TPO: variants seen among roughly 807,000 people sequenced by gnomAD.
TPO encodes the protein thyroid peroxidase, also known as thyroid microsomal antigen.
In TPO, 78 loss-of-function variants were observed where a neutral mutation model predicts 96.9. That is an observed-to-expected ratio of 0.81 (90% CI 0.67 to 0.97). The LOEUF is 0.97. Ranked by LOEUF, TPO falls within the 50% of genes least tolerant of loss-of-function variation. The probability of loss-of-function intolerance (pLI) is 0.00; values close to 1 mark genes in which losing one functional copy is unlikely to be tolerated. For synonymous variants in TPO, 547 were observed against 538.0 expected (o/e 1.02, Z -0.23); for missense variants, 1,252 against 1,274.8 (o/e 0.98, Z 0.27).
At chr2:1,494,093 C>T (rs1460185990) in intron 11 of TPO, 54 bp downstream of exon 11, 32 of 1,574,634 alleles carry the variant, frequency 2.0e-5, no homozygotes, top group Non-Finnish European at 2.5e-5. Context: ...GGCAGGTGGT[C>T]TGCGTTGGTT....
chr2:1,390,985 G>A (rs893191667), intron 1 of TPO, among the ~76,000 whole-genome samples: 2 of 152,156 alleles, frequency 1.3e-5, no homozygotes, highest in Non-Finnish European at 2.9e-5. Flanking sequence ...TAGGTTGCCT[G>A]TTCACTCTGA....
At chr2:1,525,891 A>ATACTGTGTGCAACCTCCTCAACTCCCCG (rs1676343318) in intron 15 of TPO, among the ~76,000 whole-genome samples, 1 of 86,728 alleles carries the variant, frequency 1.2e-5, no homozygotes, top group Non-Finnish European at 2.2e-5. Context: ...TCAAATCCCA[A>ATACTGTGTGCAACCTCCTCAACTCCCCG]TACTGTGTGC....
At chr2:1,398,127 C>T (rs1324468873) in intron 1 of TPO, among the ~76,000 whole-genome samples, 1 of 152,208 alleles carries the variant, frequency 6.6e-6, no homozygotes. Flanking sequence ...TCATTCCTCC[C>T]TCACTCAGGG....
chr2:1,378,560 G>A (rs954249885), intron 1 of TPO, among the ~76,000 whole-genome samples: 1 of 152,264 alleles, frequency 6.6e-6, no homozygotes, highest in Non-Finnish European at 1.5e-5. Flanking sequence ...TCAGGTGTCT[G>A]AGAAAGCGTC....
intron 14 of TPO, among the ~76,000 whole-genome samples, chr2:1,506,949 A>C (rs1460063036): frequency 6.6e-6 from 1 of 152,002 alleles, no homozygotes; most frequent in Non-Finnish European, 1.5e-5. Context: ...TTAGACATGA[A>C]GTCCTTGCCC....
At chr2:1,442,491 A>G (rs555234853) in intron 5 of TPO, among the ~76,000 whole-genome samples, 2 of 152,350 alleles carry the variant, frequency 1.3e-5, no homozygotes, top group South Asian at 4.1e-4. Context: ...TATATACTGT[A>G]AGACAGTATT....
chr2:1,406,032 T>C (rs1662245168), intron 1 of TPO, among the ~76,000 whole-genome samples: 1 of 152,258 alleles, frequency 6.6e-6, no homozygotes, highest in African/African-American at 2.4e-5. Context: ...AGTTTTGTTT[T>C]GTTGTTTCCC....
chr2:1,526,687 A>AT (rs1676584757), intron 15 of TPO, among the ~76,000 whole-genome samples: 1 of 58,660 alleles, frequency 1.7e-5, no homozygotes, highest in Admixed American at 2.0e-4. Flanking sequence ...TCCTCCCCAA[A>AT]TCCCCCCCCC....
intron 7 of TPO, among the ~76,000 whole-genome samples, chr2:1,464,228 C>T (rs1290563473): frequency 1.3e-5 from 2 of 151,986 alleles, no homozygotes; most frequent in Non-Finnish European, 2.9e-5. Flanking sequence ...GCCATTAATT[C>T]ACTCCTTTTT....
chr2:1,536,655 G>A (rs1428155344), intron 15 of TPO, among the ~76,000 whole-genome samples: 1 of 15,968 alleles, frequency 6.3e-5, no homozygotes, highest in Non-Finnish European at 1.2e-4. Context: ...CCCCCCCACT[G>A]TGTGCAACCT....
intron 7 of TPO, among the ~76,000 whole-genome samples, chr2:1,475,432 TC>T (rs1669805271): frequency 6.6e-6 from 1 of 151,858 alleles, no homozygotes; most frequent in Admixed American, 6.6e-5. Flanking sequence ...TTTTCTTTTT[TC>T]TTTTTTTTGA....
At chr2:1,504,226 G>GGGC (rs1673179220) in intron 14 of TPO, 147 bp downstream of exon 14, 6 of 1,444,110 alleles carry the variant, frequency 4.2e-6, no homozygotes, top group Non-Finnish European at 4.7e-6. Context: ...GGTGCCCGAG[G>GGGC]GGCGTCTGCG....
intron 1 of TPO, among the ~76,000 whole-genome samples, chr2:1,397,325 T>C (rs1346620710): frequency 1.3e-5 from 2 of 152,144 alleles, no homozygotes; most frequent in African/African-American, 4.8e-5. Flanking sequence ...GAAGCACAAA[T>C]CTGAAACATA....
chr2:1,497,186 C>T (rs910410720), intron 13 of TPO, among the ~76,000 whole-genome samples: 46 of 152,302 alleles, frequency 3.0e-4, no homozygotes, highest in Admixed American at 3.9e-4. Context: ...CCTGGTCCTC[C>T]TCCAGCCACT....
rs151122101 is a variant in TPO, at chr2:1,487,981, C to T, written c.1758C>T (p.His586=). The part of the protein sequence containing the change: ...ASINLQRGRD[H]GLPGYNEWRE... The stretch of plus-strand genomic sequence containing the variant: ...TCAACCTGCAGAGGGGCCGGGACCA[C>T]GGGCTGCCAGGTCTGCCAGTTCCTT... The change falls in exon 10 of 17, where the codon CAC becomes CAT. Residue 586 remains histidine (H), a synonymous_variant. Transcript: ENST00000329066. 4.8e-4 allele frequency: 779 copies of T among 1,613,080 alleles called. 1 individual carries two copies. Among genetic ancestry groups the T allele is most frequent in the African/African-American group, 8.8e-4 (66 of 74,916 alleles).
intron 15 of TPO, among the ~76,000 whole-genome samples, chr2:1,525,485 C>A (rs1397176105): frequency 1.1e-5 from 1 of 94,438 alleles, no homozygotes; most frequent in Non-Finnish European, 2.1e-5. Flanking sequence ...CCACTGTGAG[C>A]AAACCCCCAA....
At chr2:1,452,922 A>G (rs1372209316) in intron 5 of TPO, among the ~76,000 whole-genome samples, 1 of 152,214 alleles carries the variant, frequency 6.6e-6, no homozygotes, top group Non-Finnish European at 1.5e-5. Flanking sequence ...AAAATATTCA[A>G]CACACCTTTA....
chr2:1,500,616 C>T (rs185523191), intron 13 of TPO, among the ~76,000 whole-genome samples: 18 of 152,246 alleles, frequency 1.2e-4, no homozygotes, highest in African/African-American at 3.1e-4. Flanking sequence ...AAATAGTATT[C>T]GCTGCTCTCT....
chr2:1,538,693 A>G (rs1315581162), intron 15 of TPO, among the ~76,000 whole-genome samples: 1 of 152,162 alleles, frequency 6.6e-6, no homozygotes, highest in Non-Finnish European at 1.5e-5. Context: ...ATTGAGAGGT[A>G]AGGCAGAGTG....
Sources: gnomAD v4.1 joint callset for allele counts (sites outside exome capture counted in the v4.1 genomes callset) on GRCh38, gnomAD v4.1.1 for gene constraint, MANE v1.5 for transcripts, NCBI Gene and HGNC (gene_info 2026-07-23, HGNC 2026-07-21) for gene names.